OC90: variants seen among roughly 807,000 people sequenced by gnomAD.
OC90 encodes otoconin 90, also known as otoconin-90.
In OC90, 46 loss-of-function variants were observed where a neutral mutation model predicts 47.3. The observed-to-expected ratio is 0.97, with a 90% CI of 0.77 to 1.24. The LOEUF (loss-of-function observed/expected upper bound fraction) is 1.24, where lower values mean the gene tolerates loss of function less well. Ranked by LOEUF, OC90 falls within the 50% of genes most tolerant of loss-of-function variation. OC90 has a pLI of 0.00. For missense variants in OC90, 688 were observed against 583.9 expected (o/e 1.18, Z -1.84); for synonymous variants, 271 against 219.5 (o/e 1.23, Z -2.07).
chr8:132,045,973 C>A (rs1182938726), intron 2 of OC90, 90 bp from the exon 3 acceptor site: 4 of 732,090 alleles, frequency 5.5e-6, no homozygotes, highest in South Asian at 4.7e-5. Flanking sequence ...GCCAGACAAA[C>A]AATGGGAATT....
chr8:132,052,842 C>T (rs1478675066), intron 2 of OC90, among the ~76,000 whole-genome samples: 1 of 152,206 alleles, frequency 6.6e-6, no homozygotes, highest in Non-Finnish European at 1.5e-5. Flanking sequence ...TATTGCAAGG[C>T]ACATTCTGTC....
At chr8:132,028,725 AGAAAGAAAGAAAGGAAGG>A (rs1822819068) in intron 13 of OC90, among the ~76,000 whole-genome samples, 1 of 137,368 alleles carries the variant, frequency 7.3e-6, no homozygotes, top group Non-Finnish European at 1.6e-5. Flanking sequence ...AGAAAGAAAG[AGAAAGAAAGAAAGGAAGG>A]AAGAAAGGAA....
chr8:132,041,183 G>T (rs771501704), intron 5 of OC90, 27 bp from the exon 6 acceptor site: 2 of 1,453,770 alleles, frequency 1.4e-6, no homozygotes, highest in Non-Finnish European at 1.9e-6. Context: ...AGGAGGCAGG[G>T]TGAGAGTGTG....
At chr8:132,056,708 T>C (rs1823283839) in intron 1 of OC90, among the ~76,000 whole-genome samples, 1 of 152,132 alleles carries the variant, frequency 6.6e-6, no homozygotes, top group African/African-American at 2.4e-5. Flanking sequence ...AAGAGAGGTC[T>C]CCAAATGGAA....
chr8:132,052,017 A>G (rs1354784140), intron 2 of OC90, among the ~76,000 whole-genome samples: 1 of 150,296 alleles, frequency 6.7e-6, no homozygotes, highest in Non-Finnish European at 1.5e-5. Flanking sequence ...TTGAAGGTGA[A>G]AGGAGGGTGC....
intron 2 of OC90, among the ~76,000 whole-genome samples, chr8:132,052,328 A>G (rs536958745): frequency 6.6e-6 from 1 of 152,234 alleles, no homozygotes; most frequent in Non-Finnish European, 1.5e-5. Flanking sequence ...CACTGGGCAT[A>G]ATTGCCTTGG....
At chr8:132,040,462 A>G (rs1050755878) in intron 6 of OC90, among the ~76,000 whole-genome samples, 1 of 152,206 alleles carries the variant, frequency 6.6e-6, no homozygotes, top group African/African-American at 2.4e-5. Context: ...GCCTAGAGAC[A>G]TGAAATAAAA....
At chr8:132,057,521 T>C (rs1310277947) in intron 1 of OC90, among the ~76,000 whole-genome samples, 1 of 152,152 alleles carries the variant, frequency 6.6e-6, no homozygotes, top group Admixed American at 6.5e-5. Flanking sequence ...TCTTCGATAA[T>C]GGGGAGAGTT....
chr8:132,043,859 C>A (rs1823093498), intron 4 of OC90, among the ~76,000 whole-genome samples: 1 of 152,204 alleles, frequency 6.6e-6, no homozygotes, highest in African/African-American at 2.4e-5. Flanking sequence ...CATGGCCCGA[C>A]CCAAAAGTAA....
At chr8:132,058,975 T>A (rs1346988704) in intron 1 of OC90, among the ~76,000 whole-genome samples, 1 of 152,102 alleles carries the variant, frequency 6.6e-6, no homozygotes. Context: ...GAGCATCCCC[T>A]ACCACCTTAT....
At chr8:132,032,226 G>A (rs1248708574) in intron 11 of OC90, among the ~76,000 whole-genome samples, 174 bp from the exon 12 acceptor site, 7 of 152,292 alleles carry the variant, frequency 4.6e-5, no homozygotes, top group African/African-American at 1.4e-4. Flanking sequence ...CTCATCCCCT[G>A]CTTGGGATGC....
rs1823058002 is a variant in OC90 at position 132,041,768 on chromosome 8, G to A, written c.170-69C>T. 16 of 906,890 alleles carry A rather than the reference G, an allele frequency of 1.8e-5. 1 individual carries two copies. The South Asian group carries it at 2.5e-4, about 14-fold the overall frequency. The allele number at this position is 906,890 out of a possible 1,614,324, so 56.2% of individuals were successfully genotyped here. On this transcript the variant is annotated intron_variant, in intron 4 of 13. Transcript: ENST00000254627. ...GACTAGGAGGGCGTCCCTGTCCCCT[G>A]GACTTCCTATACCTCAGGCTGATGG... is the stretch of plus-strand genomic sequence containing the variant.
chr8:132,025,579 G>A lies in OC90; in HGVS notation c.1139-803C>T, dbSNP rs7816782. On this transcript the variant is annotated intron_variant, in intron 13 of 13. Coordinates refer to ENST00000254627, the MANE Select transcript of OC90 (RefSeq NM_001080399.3). ...CAGTGATTAGCTAACAGCCTGCCCC[G>A]GGGGAGGGATGAAAGGAAAAGATTG... 5.4e-3 allele frequency among the ~76,000 whole-genome samples: 822 copies of A among 152,260 alleles called. 11 individuals are homozygous for A. The highest frequency in any genetic ancestry group is 0.019 in the African/African-American group (772 of 41,534).
chr8:132,049,077 A>G (rs750924058), intron 2 of OC90, among the ~76,000 whole-genome samples: 2 of 151,568 alleles, frequency 1.3e-5, no homozygotes, highest in Non-Finnish European at 2.9e-5. Flanking sequence ...CAACAATGCA[A>G]CCCATTTGTT....
intron 10 of OC90, among the ~76,000 whole-genome samples, chr8:132,034,289 A>C (rs1161599132): frequency 6.6e-6 from 1 of 152,222 alleles, no homozygotes; most frequent in Non-Finnish European, 1.5e-5. Context: ...GTAAAATTAT[A>C]TTAATAATAC....
chr8:132,057,653 A>G (rs977384249), intron 1 of OC90, among the ~76,000 whole-genome samples: 8 of 152,254 alleles, frequency 5.3e-5, no homozygotes, highest in African/African-American at 1.7e-4. Flanking sequence ...AATATTATGT[A>G]TATTTTACCA....
At chr8:132,043,990 A>C (rs7818833) in intron 4 of OC90, among the ~76,000 whole-genome samples, 94 of 152,100 alleles carry the variant, frequency 6.2e-4, no homozygotes, top group African/African-American at 2.2e-3. Flanking sequence ...CAGTTGATAA[A>C]TGGGATCTTT....
rs73708093 is a variant in OC90 at position 132,035,959 on chromosome 8, A to G, written c.680-1125T>C. 7.2e-3 allele frequency among the ~76,000 whole-genome samples: 1,096 copies of G among 152,336 alleles called. 9 individuals carry two copies. Among genetic ancestry groups the G allele is most frequent in the African/African-American group, 0.024 (1,001 of 41,564 alleles). On this transcript the variant is annotated intron_variant, in intron 9 of 13. Transcript: ENST00000254627. ...AAAGAACCCATTTACTTACTTATTC[A>G]TTCTAAGTAATTGGCAAATAATTAT...
intron 13 of OC90, among the ~76,000 whole-genome samples, chr8:132,028,798 G>GAAAA (rs1822824689): frequency 2.9e-5 from 1 of 34,468 alleles, no homozygotes; most frequent in Non-Finnish European, 6.0e-5. Context: ...GAAAGAAGAA[G>GAAAA]GAAAGAAAGA....
Sources: allele counts gnomAD v4.1 joint callset (sites outside exome capture counted in the v4.1 genomes callset), GRCh38; gene constraint gnomAD v4.1.1; transcripts MANE v1.5; gene names NCBI Gene and HGNC (gene_info 2026-07-23, HGNC 2026-07-21).